NOTCH1: variants seen among roughly 807,000 people sequenced by gnomAD.
NOTCH1 encodes neurogenic locus notch homolog protein 1.
Under a neutral mutation model 254.8 loss-of-function variants are expected in NOTCH1, and 37 were observed. The ratio of observed to expected loss-of-function variants is 0.15; its 90% CI spans 0.11 to 0.19. NOTCH1 has a LOEUF of 0.19. NOTCH1 is among the 10% of genes least tolerant of loss of function. NOTCH1 has a pLI of 1.00. For missense variants in NOTCH1, 2,972 were observed against 3,708.6 expected, an observed-to-expected ratio of 0.80 and a Z score of 5.16; for synonymous variants, 1,731 against 1,618.1, an observed-to-expected ratio of 1.07 and a Z score of -1.68.
chr9:136,504,639 C>A (rs766002483), intron 26 of NOTCH1, 34 bp downstream of exon 26: 1 of 1,483,818 alleles, frequency 6.7e-7, no homozygotes, highest in Non-Finnish European at 9.0e-7. Flanking sequence ...AGGAGAGTTG[C>A]GGGGATTGAC....
At chr9:136,528,538 G>C (rs148921100) in intron 2 of NOTCH1, among the ~76,000 whole-genome samples, 6 of 139,200 alleles carry the variant, frequency 4.3e-5, no homozygotes, top group Admixed American at 7.0e-5. Flanking sequence ...GTGGAGGGAC[G>C]GGCAGGGACA....
chr9:136,524,358 T>C (rs530149921), intron 2 of NOTCH1, among the ~76,000 whole-genome samples: 1 of 152,198 alleles, frequency 6.6e-6, no homozygotes, highest in Non-Finnish European at 1.5e-5. Flanking sequence ...AGCTAGAGAC[T>C]AGGATGTTCC....
At chr9:136,525,249 AGGGGAGCCAGG>A (rs993899822) in intron 2 of NOTCH1, among the ~76,000 whole-genome samples, 1 of 152,140 alleles carries the variant, frequency 6.6e-6, no homozygotes, top group Non-Finnish European at 1.5e-5. Flanking sequence ...AGAGAGAACA[AGGGGAGCCAGG>A]GGAGGGGTCC....
chr9:136,521,258 C>T (rs1422198796), intron 4 of NOTCH1, among the ~76,000 whole-genome samples: 2 of 152,070 alleles, frequency 1.3e-5, no homozygotes, highest in African/African-American at 2.4e-5. Flanking sequence ...AGTGAGCACA[C>T]CCCTCACCGG....
chr9:136,544,973 T>G lies in NOTCH1; in HGVS notation c.61+753A>C, dbSNP rs1311371627. Among the ~76,000 whole-genome samples, 3 of 152,100 alleles carry G rather than the reference T, an allele frequency of 2.0e-5. No individual in the cohort carries two copies. In the East Asian group the frequency reaches 5.8e-4, roughly 29 times the overall value. ...GACAGATAATTCTCGCCTCCAACTC[T>G]CGGAGAAAGAGTGGATTAATCACTC... On this transcript the variant is annotated intron_variant, in intron 1 of 33. Coordinates refer to ENST00000651671, the MANE Select transcript of NOTCH1 (RefSeq NM_017617.5).
At position 136,523,998 on chromosome 9, in the gene NOTCH1, G is replaced by A. The variant is rs1843419541; in HGVS notation, c.141-19C>T. 1 of 1,543,230 alleles carries A rather than the reference G, an allele frequency of 6.5e-7. No individual in the cohort carries two copies. Among genetic ancestry groups the A allele is most frequent in the Non-Finnish European group, 8.7e-7 (1 of 1,146,810 alleles). The stretch of plus-strand genomic sequence containing the variant: ...GCCACAGCTGTTGGCAGATGTGCCA[G>A]GGCAGTTAGTTCCCACCTGCTTCCC... On this transcript the variant is annotated intron_variant, in intron 2 of 33. Coordinates refer to ENST00000651671, the MANE Select transcript of NOTCH1 (RefSeq NM_017617.5).
rs753036935 is a variant in NOTCH1 at position 136,513,101 on chromosome 9, G to A, written c.2387C>T (p.Ala796Val). ...GCCCTGGTTCAGACATGGGTTGGAC[G>A]CACACTCGTTGATGTTGGTCTGGCA... is the stretch of plus-strand genomic sequence containing the variant. ...PNCQTNINEC[A>V]SNPCLNQGTC... The change falls in exon 15 of 34, where the codon GCG becomes GTG. Residue 796 changes from alanine to valine, a missense_variant. Ala to Val is a moderately conservative substitution (Grantham distance 64). Around this residue, in one of 8 missense-constraint regions of NOTCH1, gnomAD observed 1,343 missense variants for 1,557.0 expected, o/e 0.86. Coordinates refer to ENST00000651671, the MANE Select transcript of NOTCH1 (RefSeq NM_017617.5). This position sits in a 1 kb window ranked among gnomAD's most constrained non-coding sequence, Gnocchi z 4.7. 2.2e-5 allele frequency: 35 copies of A among 1,612,594 alleles called. No individual in the cohort carries two copies. The highest frequency in any genetic ancestry group is 4.4e-5 in the South Asian group (4 of 91,064).
chr9:136,510,343 C>A (rs568982420), intron 17 of NOTCH1, among the ~76,000 whole-genome samples: 1 of 151,912 alleles, frequency 6.6e-6, no homozygotes, highest in African/African-American at 2.4e-5. Context: ...AGAGCCCTGG[C>A]CTGCAGCGGG....
chr9:136,518,942 C>T lies in NOTCH1; in HGVS notation c.866-118G>A, dbSNP rs1041734824. On this transcript the variant is annotated intron_variant, in intron 5 of 33. Coordinates refer to ENST00000651671, the MANE Select transcript of NOTCH1 (RefSeq NM_017617.5). ...GGAAGCCTTCCTGGGCTGACTCCTC[C>T]ACCCACCGCCAGCCTAAATCACTCC... 2.1e-5 allele frequency: 17 copies of T among 791,234 alleles called. 1 individual carries two copies. The highest frequency in any genetic ancestry group is 4.7e-4 in the Middle Eastern group (2 of 4,220). 49.0% of individuals were successfully genotyped at this position (791,234 alleles called of 1,614,324 possible).
intron 2 of NOTCH1, among the ~76,000 whole-genome samples, chr9:136,528,789 C>T (rs1473526907): frequency 6.6e-6 from 1 of 152,096 alleles, no homozygotes; most frequent in Admixed American, 6.5e-5. Context: ...GCCACAGAAG[C>T]CCAAGGGTCC....
At position 136,523,031 on chromosome 9, in the gene NOTCH1, C is replaced by G. The variant is rs1379095627; in HGVS notation, c.561G>C (p.Gly187=). The change falls in exon 4 of 34, where the codon GGG becomes GGC. Residue 187 remains glycine (G), a synonymous_variant. Transcript: ENST00000651671. ...GGCAGGTGCCTCCGTGGCGGCAAAG[C>G]CCGGGCTTCTGGCCACACTCGTTGA... The part of the protein sequence containing the change: ...QDVNECGQKP[G]LCRHGGTCHN... 1.3e-6 allele frequency: 2 copies of G among 1,552,554 alleles called. No individual in the cohort carries two copies. The highest frequency in any genetic ancestry group is 2.7e-5 in the African/African-American group (2 of 73,202).
At chr9:136,532,927 C>G (rs1843585338) in intron 2 of NOTCH1, among the ~76,000 whole-genome samples, 1 of 152,222 alleles carries the variant, frequency 6.6e-6, no homozygotes, top group Non-Finnish European at 1.5e-5. Flanking sequence ...CTGCAGCCAC[C>G]CACCTGCCTC....
chr9:136,535,613 G>T (rs1219293595), intron 2 of NOTCH1, among the ~76,000 whole-genome samples: 1 of 51,708 alleles, frequency 1.9e-5, no homozygotes. Context: ...AATGGGTGCA[G>T]GGTGGGTGGA....
At chr9:136,537,177 C>T (rs73567913) in intron 2 of NOTCH1, among the ~76,000 whole-genome samples, 2 of 152,138 alleles carry the variant, frequency 1.3e-5, no homozygotes, top group Non-Finnish European at 2.9e-5. Flanking sequence ...GAAGCCACCC[C>T]GGACGCCCTC....
At chr9:136,512,913 A>ACC in intron 15 of NOTCH1, 108 bp downstream of exon 15, 2 of 96,200 alleles carry the variant, frequency 2.1e-5, no homozygotes, top group South Asian at 1.9e-4. Flanking sequence ...GGCCGCCCCC[A>ACC]CCCCTGGCCC....
At chr9:136,522,012 C>T (rs1469883814) in intron 4 of NOTCH1, among the ~76,000 whole-genome samples, 2 of 148,260 alleles carry the variant, frequency 1.3e-5, no homozygotes, top group Non-Finnish European at 3.0e-5. Flanking sequence ...GAGTCTCGCT[C>T]TGTCGCCCAG....
chr9:136,545,229 G>T lies in NOTCH1; in HGVS notation c.61+497C>A, dbSNP rs1483831151. Among the ~76,000 whole-genome samples, 1 of 152,090 alleles carries T rather than the reference G, an allele frequency of 6.6e-6. No individual in the cohort carries two copies. The highest frequency in any genetic ancestry group is 2.4e-5 in the African/African-American group (1 of 41,412). On this transcript the variant is annotated intron_variant, in intron 1 of 33. Transcript: ENST00000651671. This position sits in a 1 kb window ranked among gnomAD's most constrained non-coding sequence, Gnocchi z 6.8. ...GGGAGCCCGGGGACCCAGCCCGGCC[G>T]CGCGGGTCAGTGAAGGCGAACGCGG...
chr9:136,507,076 G>T (rs1337053477), intron 22 of NOTCH1, 103 bp from the exon 23 acceptor site: 13 of 1,519,606 alleles, frequency 8.6e-6, no homozygotes, highest in Non-Finnish European at 1.2e-5. Context: ...GGGGCTGCAC[G>T]GACACTCGGG....
intron 17 of NOTCH1, 127 bp downstream of exon 17, chr9:136,510,526 C>G: frequency 7.6e-7 from 1 of 1,320,432 alleles, no homozygotes; most frequent in Non-Finnish European, 1.0e-6. Flanking sequence ...ACACCTGACC[C>G]AACCCTCCCC....
Sources: gnomAD v4.1 joint callset for allele counts (sites outside exome capture counted in the v4.1 genomes callset) on GRCh38, gnomAD v4.1.1 for gene constraint, gnomAD v4.1.1 regional missense constraint, Gnocchi (gnomAD v3.1) non-coding constraint, MANE v1.5 for transcripts, NCBI Gene and HGNC (gene_info 2026-07-23, HGNC 2026-07-21) for gene names.